Variants in NR2C1 observed in about 807,000 individuals in gnomAD.
NR2C1 encodes the protein TR2 nuclear hormone receptor.
In NR2C1, 33 loss-of-function variants were observed where a neutral mutation model predicts 74.8. The ratio of observed to expected loss-of-function variants is 0.44; its 90% confidence interval spans 0.33 to 0.59. The LOEUF (loss-of-function observed/expected upper bound fraction) is 0.59. Ranked by LOEUF, NR2C1 falls within the 20% of genes least tolerant of loss-of-function variation. NR2C1 has a pLI of 0.02. For missense variants in NR2C1, 568 were observed against 715.6 expected (o/e 0.79, Z 2.35); for synonymous variants, 225 against 240.6 (o/e 0.94, Z 0.60).
At chr12:95,033,778 T>C (rs572161525) in intron 10 of NR2C1, among the ~76,000 whole-genome samples, 63 of 152,300 alleles carry the variant, frequency 4.1e-4, no homozygotes, top group African/African-American at 1.5e-3. Flanking sequence ...CAGAGACCAA[T>C]GCAGTACATG....
intron 11 of NR2C1, chr12:95,030,755 T>TC: frequency 6.2e-7 from 1 of 1,609,168 alleles, no homozygotes. Context: ...AAGGCAATTT[T>TC]CCCCATTTGT....
chr12:95,022,838 G>A (rs964136482), intron 13 of NR2C1, among the ~76,000 whole-genome samples: 1 of 151,798 alleles, frequency 6.6e-6, no homozygotes, highest in East Asian at 1.9e-4. Flanking sequence ...GTGGCTACAG[G>A]AGTGTGCCAC....
At chr12:95,041,604 C>A (rs1171359467) in intron 9 of NR2C1, among the ~76,000 whole-genome samples, 1 of 152,120 alleles carries the variant, frequency 6.6e-6, no homozygotes, top group Non-Finnish European at 1.5e-5. Flanking sequence ...TGATCTAGTT[C>A]TTTAAAATGT....
chr12:95,050,377 C>T (rs1872814710), intron 8 of NR2C1, among the ~76,000 whole-genome samples: 3 of 152,110 alleles, frequency 2.0e-5, no homozygotes, highest in Non-Finnish European at 4.4e-5. Flanking sequence ...GGCGTGACCT[C>T]GGCTCACTGC....
chr12:95,067,612 G>C (rs2136203484), intron 1 of NR2C1, among the ~76,000 whole-genome samples: 1 of 151,734 alleles, frequency 6.6e-6, no homozygotes, highest in South Asian at 2.1e-4. Flanking sequence ...ACCCAGGCTG[G>C]AGTGTAGGGG....
intron 9 of NR2C1, among the ~76,000 whole-genome samples, chr12:95,043,689 C>CCAAAAAAAA (rs575940640): frequency 1.1e-5 from 1 of 94,288 alleles, no homozygotes; most frequent in African/African-American, 4.0e-5. Flanking sequence ...GACTCTGTCT[C>CCAAAAAAAA]AAAAAAAAAA....
At chr12:95,025,946 C>A (rs944533797) in intron 12 of NR2C1, among the ~76,000 whole-genome samples, 12 of 151,788 alleles carry the variant, frequency 7.9e-5, no homozygotes, top group Admixed American at 6.6e-5. Context: ...GTGGCTCATG[C>A]CTGTAGTCCC....
intron 1 of NR2C1, among the ~76,000 whole-genome samples, 161 bp from the exon 2 acceptor site, chr12:95,067,552 T>C (rs1875902592): frequency 6.6e-6 from 1 of 152,056 alleles, no homozygotes; most frequent in Non-Finnish European, 1.5e-5. Flanking sequence ...ATTCATGGGT[T>C]GCCTTTTCCA....
chr12:95,025,628 A>G (rs1489244813), intron 12 of NR2C1, among the ~76,000 whole-genome samples: 2 of 144,436 alleles, frequency 1.4e-5, no homozygotes, highest in East Asian at 4.1e-4. Context: ...ATTGCACTCC[A>G]GCCTGGGCAA....
intron 1 of NR2C1, among the ~76,000 whole-genome samples, chr12:95,070,503 C>G (rs1425283192): frequency 2.0e-5 from 3 of 152,064 alleles, no homozygotes; most frequent in African/African-American, 7.2e-5. Flanking sequence ...AGTAATTTGC[C>G]AATGTATACC....
rs376661948 is a variant in NR2C1, at chr12:95,062,971, C to T, written c.55-233G>A. The stretch of plus-strand genomic sequence containing the variant: ...CTATTTTGATTCCCTCCTTCCCCTT[C>T]CCTCCCATGTTCCATTTAGACAAAC... On this transcript the variant is annotated intron_variant, in intron 2 of 13. Transcript: ENST00000333003. 4.4e-4 allele frequency: 245 copies of T among 555,656 alleles called. 1 individual carries two copies. Among genetic ancestry groups the T allele is most frequent in the African/African-American group, 4.3e-3 (227 of 53,070 alleles). The allele number at this position is 555,656 out of a possible 1,614,324, so 34.4% of individuals were successfully genotyped here.
intron 8 of NR2C1, 97 bp downstream of exon 8, chr12:95,051,665 C>A: frequency 9.1e-7 from 1 of 1,098,398 alleles, no homozygotes; most frequent in South Asian, 1.6e-5. Context: ...TATTTGTTTT[C>A]TGAAACTTTT....
rs1013492913 is a variant in NR2C1, at chr12:95,030,927, T to G, written c.1393+422A>C. The G allele has an allele frequency of 2.9e-6, 4 of 1,356,460 alleles. No individual in the cohort carries two copies. In the African/African-American group the frequency reaches 4.3e-5, roughly 15 times the overall value. The allele number at this position is 1,356,460 out of a possible 1,614,324, so 84.0% of individuals were successfully genotyped here. On this transcript the variant is annotated intron_variant, in intron 11 of 13. Coordinates refer to ENST00000333003, the MANE Select transcript of NR2C1 (RefSeq NM_003297.4). ...ATTGTTCCTGACTCTTCAGAACTATTTAGGTGAGAGAATACACTCTGATGA... is the reference window on the plus strand; with the variant it reads ...ATTGTTCCTGACTCTTCAGAACTATGTAGGTGAGAGAATACACTCTGATGA...
chr12:95,031,349 C>A lies in NR2C1; in HGVS notation c.1393G>T (p.Asp465Tyr). ...AAAAGGTAAGGAAGGTGCTTTTTAC[C>A]TTGTTGAAGACTATTGTGAAGACAA... ...VNCLHNSLQQ[D>Y]KMSTERRKLL... Residue 465 changes from aspartate (D) to tyrosine (Y), a missense_variant and splice_region_variant, in exon 11 of 14, where the codon GAT (aspartate) becomes TAT (tyrosine). By Grantham distance (160) the Asp-to-Tyr change is radical (BLOSUM62 -3). Transcript: ENST00000333003. 6.3e-7 allele frequency: 1 copy of A among 1,576,932 alleles called. No homozygotes were observed. The highest frequency in any genetic ancestry group is 1.2e-5 in the South Asian group (1 of 83,388).
intron 7 of NR2C1, among the ~76,000 whole-genome samples, chr12:95,056,538 G>C (rs1273306279): frequency 6.6e-6 from 1 of 152,168 alleles, no homozygotes; most frequent in Non-Finnish European, 1.5e-5. Flanking sequence ...CTTGACTCAA[G>C]TAAATATTTT....
intron 3 of NR2C1, among the ~76,000 whole-genome samples, chr12:95,062,170 C>T (rs1034183112): frequency 4.6e-5 from 7 of 152,206 alleles, no homozygotes; most frequent in African/African-American, 1.7e-4. Flanking sequence ...CAGCATGCTC[C>T]AATAGTCGAT....
chr12:95,027,544 A>G (rs889923159), intron 12 of NR2C1, among the ~76,000 whole-genome samples: 2 of 152,102 alleles, frequency 1.3e-5, no homozygotes, highest in Admixed American at 1.3e-4. Context: ...CAACACCAGC[A>G]TGGCCAACAT....
Position 95,057,865 on chromosome 12 carries a change from T to C in NR2C1, c.558A>G (p.Glu186=). 6.2e-7 allele frequency: 1 copy of C among 1,613,472 alleles called. No homozygotes were observed. The highest frequency in any genetic ancestry group is 1.1e-5 in the South Asian group (1 of 91,056). The change falls in exon 6 of 14, where the codon GAA becomes GAG. Residue 186 remains glutamate, a synonymous_variant. Coordinates refer to ENST00000333003, the MANE Select transcript of NR2C1 (RefSeq NM_003297.4). ...CTCGTGATACTTCAATGGGTTTTCT[T>C]TCACATTGGACAGCTACAAAAATGT... is the stretch of plus-strand genomic sequence containing the variant. ...FGMKQDSVQC[E]RKPIEVSREK...
At chr12:95,030,989 G>C (rs552312998) in intron 11 of NR2C1, 1 of 845,348 alleles carries the variant, frequency 1.2e-6, no homozygotes, top group Admixed American at 2.6e-5. Context: ...GATTCAAAGG[G>C]CTATAATAAA....
Sources: allele counts gnomAD v4.1 joint callset (sites outside exome capture counted in the v4.1 genomes callset), GRCh38; gene constraint gnomAD v4.1.1; transcripts MANE v1.5; gene names NCBI Gene and HGNC (gene_info 2026-07-23, HGNC 2026-07-21).